The following TMEM106B variants were observed in gnomAD, a reference collection of about 807,000 sequenced individuals.
TMEM106B encodes transmembrane protein 106B.
In TMEM106B, 15 loss-of-function variants were observed where a neutral mutation model predicts 31.1. The observed-to-expected ratio is 0.48, with a 90% CI of 0.32 to 0.74. TMEM106B has a LOEUF of 0.74. TMEM106B is among the 30% of genes least tolerant of loss of function. TMEM106B has a pLI of 0.03. For synonymous variants in TMEM106B, 126 were observed against 112.5 expected (o/e 1.12, Z -0.76); for missense variants, 283 against 327.3 (o/e 0.86, Z 1.04).
chr7:12,216,784 C>T (rs574058703), intron 2 of TMEM106B, among the ~76,000 whole-genome samples: 6 of 152,098 alleles, frequency 3.9e-5, no homozygotes, highest in African/African-American at 7.2e-5. Context: ...GACCAACTGT[C>T]ATATGCTACT....
chr7:12,218,385 C>G (rs1265377129), intron 2 of TMEM106B, 73 bp from the exon 3 acceptor site: 26 of 1,305,690 alleles, frequency 2.0e-5, no homozygotes, highest in Non-Finnish European at 5.5e-6. Flanking sequence ...CTTTCCAAAC[C>G]AGATTGTGAT....
chr7:12,221,697 A>G (rs772963540), intron 3 of TMEM106B, among the ~76,000 whole-genome samples: 5 of 152,230 alleles, frequency 3.3e-5, no homozygotes, highest in Admixed American at 2.0e-4. Flanking sequence ...AGCCTGCAGC[A>G]CAAGGAAGGA....
chr7:12,230,712 T>TA (rs1782005115), intron 6 of TMEM106B: 1 of 313,178 alleles, frequency 3.2e-6, no homozygotes, highest in Non-Finnish European at 5.7e-6. Flanking sequence ...TTAAACTTGT[T>TA]ACTATGTTAA....
chr7:12,228,519 TTC>T (rs1781950884), intron 4 of TMEM106B, among the ~76,000 whole-genome samples: 1 of 151,922 alleles, frequency 6.6e-6, no homozygotes, highest in African/African-American at 2.4e-5. Flanking sequence ...AATTTATTCT[TTC>T]TTTTTATGAA....
intron 3 of TMEM106B, among the ~76,000 whole-genome samples, chr7:12,222,786 ATTAT>A (rs1229637077): frequency 6.6e-6 from 1 of 152,168 alleles, no homozygotes; most frequent in Non-Finnish European, 1.5e-5. Flanking sequence ...GTTTGCTTGT[ATTAT>A]TTTGTTTTTT....
chr7:12,215,905 T>G (rs1781677907), intron 2 of TMEM106B: 1 of 157,982 alleles, frequency 6.3e-6, no homozygotes, highest in Non-Finnish European at 1.5e-5. Context: ...TGTAAGCTAC[T>G]TTAGGAACAG....
Position 12,241,657 on chromosome 7 carries a change from G to C in TMEM106B, c.*9682G>C, listed in dbSNP as rs1194545388. 2 of 152,142 alleles carry C rather than the reference G, an allele frequency of 1.3e-5. No individual in the cohort carries two copies. Among genetic ancestry groups the C allele is most frequent in the Non-Finnish European group, 2.9e-5 (2 of 68,052 alleles). The allele number at this position is 152,142 out of a possible 1,614,324, so 9.4% of individuals were successfully genotyped here. A position where few individuals can be genotyped will look rare whatever the true frequency, so the allele number is the denominator to read the frequency against. ...TTCTTTATCCAGTCTATCATTGATG[G>C]ACATTTGGGTTGGTTCCAAGTCTTT... is the stretch of plus-strand genomic sequence containing the variant. On this transcript the variant is annotated 3_prime_UTR_variant, in exon 8 of 8. Coordinates refer to ENST00000396668, the MANE Select transcript of TMEM106B (RefSeq NM_001134232.2).
chr7:12,225,335 T>C (rs574600707), intron 4 of TMEM106B, among the ~76,000 whole-genome samples: 5 of 152,294 alleles, frequency 3.3e-5, no homozygotes, highest in Admixed American at 1.3e-4. Flanking sequence ...CATAACGTGT[T>C]AATGTGTCTT....
Position 12,233,945 on chromosome 7 carries a change from G to C in TMEM106B, c.*1970G>C, listed in dbSNP as rs1562711198. On this transcript the variant is annotated 3_prime_UTR_variant, in exon 8 of 8. Coordinates refer to ENST00000396668, the MANE Select transcript of TMEM106B (RefSeq NM_001134232.2). ...CTGTCTGCTTTCACATTTAGCTAGT[G>C]AACTACACATTTACTAAAATGTGTA... The C allele has an allele frequency of 1.3e-5, 2 of 151,352 alleles. No homozygotes were observed. Among genetic ancestry groups the C allele is most frequent in the African/African-American group, 4.8e-5 (2 of 41,306 alleles). 9.4% of individuals were successfully genotyped at this position (151,352 alleles called of 1,614,324 possible). A position where few individuals can be genotyped will look rare whatever the true frequency, so the allele number is the denominator to read the frequency against.
chr7:12,233,193 CTT>C lies in TMEM106B; in HGVS notation c.*1219_*1220del, dbSNP rs2128528326. On this transcript the variant is annotated 3_prime_UTR_variant, in exon 8 of 8. Transcript: ENST00000396668. ...ATTGTTTTCAAATATAGATTATTGA[CTT>C]ATTCAACTTTGCTGTTTTATATTTT... 1 of 147,714 alleles carries C rather than the reference CTT, an allele frequency of 6.8e-6. No individual in the cohort carries two copies. Among genetic ancestry groups the C allele is most frequent in the East Asian group, 2.0e-4 (1 of 5,110 alleles). 9.2% of individuals were successfully genotyped at this position (147,714 alleles called of 1,614,324 possible).
chr7:12,226,901 A>G (rs1016603682), intron 4 of TMEM106B, among the ~76,000 whole-genome samples: 2 of 146,124 alleles, frequency 1.4e-5, no homozygotes, highest in Admixed American at 7.0e-5. Flanking sequence ...AACAAGGAAC[A>G]TATTTTCTTT....
At chr7:12,219,774 T>A (rs1458513228) in intron 3 of TMEM106B, among the ~76,000 whole-genome samples, 2 of 152,022 alleles carry the variant, frequency 1.3e-5, no homozygotes, top group Non-Finnish European at 2.9e-5. Flanking sequence ...ACGGGAGGAA[T>A]GAAAACATCA....
intron 2 of TMEM106B, chr7:12,215,493 T>C (rs1354560863): frequency 1.1e-5 from 2 of 177,614 alleles, no homozygotes; most frequent in Non-Finnish European, 2.7e-5. Context: ...CACCTCGGCT[T>C]CCCAGAGTGC....
At chr7:12,214,771 TCCCTGAAG>T (rs1230211699) in intron 1 of TMEM106B, 30 bp from the exon 2 acceptor site, 2 of 1,501,310 alleles carry the variant, frequency 1.3e-6, no homozygotes, top group African/African-American at 1.4e-5. Context: ...TGTACTTTTT[TCCCTGAAG>T]TTTACTGTAA....
chr7:12,238,700 T>A lies in TMEM106B; in HGVS notation c.*6725T>A, dbSNP rs1782187614. On this transcript the variant is annotated 3_prime_UTR_variant, in exon 8 of 8. Transcript: ENST00000396668. ...AAAACAACATTAATCTATTTGTACA[T>A]CATCAGAGCTGTTGGGTGACCAGGT... is the stretch of plus-strand genomic sequence containing the variant. 6.6e-6 allele frequency: 1 copy of A among 152,144 alleles called. No individual in the cohort carries two copies. Among genetic ancestry groups the A allele is most frequent in the Non-Finnish European group, 1.5e-5 (1 of 68,026 alleles). The allele number at this position is 152,144 out of a possible 1,614,324, so 9.4% of individuals were successfully genotyped here. A position where few individuals can be genotyped will look rare whatever the true frequency, so the allele number is the denominator to read the frequency against.
intron 4 of TMEM106B, 128 bp from the exon 5 acceptor site, chr7:12,229,551 G>A: frequency 1.3e-6 from 1 of 748,450 alleles, no homozygotes; most frequent in Non-Finnish European, 2.1e-6. Flanking sequence ...AATTTTCTTT[G>A]ACATTTTGGT....
In TMEM106B at chr7:12,236,042, G is replaced by GA. The variant is rs1242315939; in HGVS notation, c.*4068dup. 2 of 151,764 alleles carry GA rather than the reference G, an allele frequency of 1.3e-5. No homozygotes were observed. The highest frequency in any genetic ancestry group is 4.8e-5 in the African/African-American group (2 of 41,372). 9.4% of individuals were successfully genotyped at this position (151,764 alleles called of 1,614,324 possible). A position where few individuals can be genotyped will look rare whatever the true frequency, so the allele number is the denominator to read the frequency against. ...CATGTTTGAGATGGTGGAGTAAAAA[G>GA]ACTGTTAAACATTTCTTTTAAAAAA... On this transcript the variant is annotated 3_prime_UTR_variant, in exon 8 of 8. Coordinates refer to ENST00000396668, the MANE Select transcript of TMEM106B (RefSeq NM_001134232.2).
chr7:12,223,019 C>A (rs1404550705), intron 3 of TMEM106B, among the ~76,000 whole-genome samples: 3 of 151,952 alleles, frequency 2.0e-5, no homozygotes, highest in Non-Finnish European at 2.9e-5. Context: ...AATTGTCATG[C>A]AAGACTCAAA....
chr7:12,229,106 T>C (rs1461356681), intron 4 of TMEM106B, among the ~76,000 whole-genome samples: 1 of 152,174 alleles, frequency 6.6e-6, no homozygotes, highest in Non-Finnish European at 1.5e-5. Context: ...CTTTTATATA[T>C]CTGTTATTTT....
Sources: gnomAD v4.1 joint callset for allele counts (sites outside exome capture counted in the v4.1 genomes callset) on GRCh38, gnomAD v4.1.1 for gene constraint, MANE v1.5 for transcripts, NCBI Gene and HGNC (gene_info 2026-07-23, HGNC 2026-07-21) for gene names.